Variants in JMJD1C observed in about 807,000 individuals in gnomAD.
JMJD1C encodes jumonji domain-containing protein 1C.
A neutral mutation model predicts 245.3 loss-of-function variants in JMJD1C; 31 were observed. That is an observed-to-expected ratio of 0.13 (90% CI 0.09 to 0.17). JMJD1C has a LOEUF of 0.17. Ranked by LOEUF, JMJD1C falls within the 10% of genes least tolerant of loss-of-function variation. The probability of loss-of-function intolerance (pLI) is 1.00; values close to 1 mark genes in which losing one functional copy is unlikely to be tolerated. For synonymous variants in JMJD1C, 1,057 were observed against 1,017.4 expected (o/e 1.04, Z -0.74); for missense variants, 2,691 against 3,000.2 (o/e 0.90, Z 2.41).
chr10:63,227,011 T>G (rs2133353743), intron 3 of JMJD1C, among the ~76,000 whole-genome samples: 1 of 152,272 alleles, frequency 6.6e-6, no homozygotes, highest in Non-Finnish European at 1.5e-5. Context: ...GAAGTTGCAG[T>G]GAGCCTAGAT....
intron 1 of JMJD1C, chr10:63,382,941 T>C (rs1947324551): frequency 2.2e-6 from 1 of 447,670 alleles, no homozygotes; most frequent in Non-Finnish European, 4.5e-6. Flanking sequence ...TTTTATAGCT[T>C]ACACTGTATT....
intron 22 of JMJD1C, among the ~76,000 whole-genome samples, chr10:63,180,935 A>T (rs1001018571): frequency 6.6e-6 from 1 of 151,880 alleles, no homozygotes. Flanking sequence ...CGCCCGGCTA[A>T]TTTTTTGTAT....
At chr10:63,306,859 T>C (rs1485093273) in intron 2 of JMJD1C, among the ~76,000 whole-genome samples, 1 of 152,166 alleles carries the variant, frequency 6.6e-6, no homozygotes, top group African/African-American at 2.4e-5. Context: ...AACAAAAATA[T>C]TTATAACATG....
chr10:63,331,017 A>T (rs1942082702), intron 2 of JMJD1C, among the ~76,000 whole-genome samples: 1 of 152,218 alleles, frequency 6.6e-6, no homozygotes, highest in Non-Finnish European at 1.5e-5. Flanking sequence ...ACTTGACTTC[A>T]TTATCTTCAA....
chr10:63,487,214 C>G (rs1294184703), intron 1 of JMJD1C, among the ~76,000 whole-genome samples: 1 of 152,126 alleles, frequency 6.6e-6, no homozygotes, highest in African/African-American at 2.4e-5. Context: ...AAAGGACTAC[C>G]AGGCAAAATT....
chr10:63,466,020 T>G, upstream of JMJD1C: 1 of 237,780 alleles, frequency 4.2e-6, no homozygotes, highest in Non-Finnish European at 8.2e-6. Context: ...GCAGCGCGTC[T>G]CCTTCCGCCG....
intron 1 of JMJD1C, among the ~76,000 whole-genome samples, chr10:63,462,569 AT>A (rs916332940): frequency 1.3e-5 from 2 of 152,220 alleles, no homozygotes; most frequent in African/African-American, 4.8e-5. Flanking sequence ...GATTATGTCA[AT>A]TGGCCCAAAG....
At chr10:63,410,084 C>T (rs956720600) in intron 1 of JMJD1C, among the ~76,000 whole-genome samples, 1 of 152,116 alleles carries the variant, frequency 6.6e-6, no homozygotes, top group Admixed American at 6.5e-5. Context: ...CTCACTGCCC[C>T]TTCCTAAATG....
chr10:63,202,322 G>A (rs1846112303), intron 10 of JMJD1C: 1 of 984,824 alleles, frequency 1.0e-6, no homozygotes, highest in South Asian at 4.7e-5. Flanking sequence ...ACTTGTAAGT[G>A]TCTTATTGCA....
intron 1 of JMJD1C, among the ~76,000 whole-genome samples, chr10:63,497,838 G>A (rs151000475): frequency 2.0e-3 from 311 of 152,274 alleles, no homozygotes; most frequent in African/African-American, 6.9e-3. Flanking sequence ...GCAAACTTTA[G>A]AGAAAACATC....
intron 9 of JMJD1C, 72 bp from the exon 10 acceptor site, chr10:63,208,873 T>A: frequency 8.1e-7 from 1 of 1,230,532 alleles, no homozygotes; most frequent in South Asian, 1.5e-5. Flanking sequence ...TTCTATGCAA[T>A]ATCATTCTAT....
At chr10:63,309,716 A>C (rs1029585198) in intron 2 of JMJD1C, among the ~76,000 whole-genome samples, 1 of 152,084 alleles carries the variant, frequency 6.6e-6, no homozygotes. Context: ...CTGGAGTTCG[A>C]GACCAGCCTG....
rs146066192 is a variant in JMJD1C at position 63,477,029 on chromosome 10, G to A, written n.113+44709C>T. Among the ~76,000 whole-genome samples, 39 of 152,214 alleles carry A rather than the reference G, an allele frequency of 2.6e-4. 2 individuals are homozygous for A. In the East Asian group the frequency reaches 7.1e-3, roughly 28 times the overall value. On this transcript the variant is annotated intron_variant and non_coding_transcript_variant, in intron 1 of 3. Coordinates refer to the JMJD1C transcript ENST00000633035. ...CATCAATTTACATGAAACAGAAATT[G>A]CTAAGAGACACAAACTGTAGACCTC...
intron 1 of JMJD1C, among the ~76,000 whole-genome samples, chr10:63,397,105 A>C (rs1948550828): frequency 6.6e-6 from 1 of 152,158 alleles, no homozygotes; most frequent in Non-Finnish European, 1.5e-5. Context: ...CCCTATTAAT[A>C]ATTGTTTTGA....
chr10:63,238,196 G>GAAAAAAA (rs1564660596), intron 3 of JMJD1C, among the ~76,000 whole-genome samples: 11 of 92,838 alleles, frequency 1.2e-4, no homozygotes, highest in Middle Eastern at 5.7e-3. Flanking sequence ...AAAAAAAAAA[G>GAAAAAAA]AAAAAAAGGA....
chr10:63,331,516 A>C (rs1417995702), intron 2 of JMJD1C, among the ~76,000 whole-genome samples: 2 of 152,200 alleles, frequency 1.3e-5, no homozygotes, highest in African/African-American at 4.8e-5. Context: ...AGGGAAGTCC[A>C]CAAATCCACT....
chr10:63,238,596 A>G (rs1206999344), intron 3 of JMJD1C, among the ~76,000 whole-genome samples: 1 of 152,224 alleles, frequency 6.6e-6, no homozygotes, highest in Non-Finnish European at 1.5e-5. Context: ...TGTAACCTCT[A>G]TAACAAATTG....
At chr10:63,187,521 T>C (rs903480675) in intron 18 of JMJD1C, among the ~76,000 whole-genome samples, 1 of 152,152 alleles carries the variant, frequency 6.6e-6, no homozygotes, top group Non-Finnish European at 1.5e-5. Context: ...CACCACAGCC[T>C]GGACTTACTG....
At chr10:63,262,208 A>G (rs1414422418) in intron 3 of JMJD1C, among the ~76,000 whole-genome samples, 2 of 152,214 alleles carry the variant, frequency 1.3e-5, no homozygotes, top group Non-Finnish European at 2.9e-5. Context: ...TAAGAAGCTA[A>G]GGAATTTAAT....
Sources: allele counts gnomAD v4.1 joint callset (sites outside exome capture counted in the v4.1 genomes callset), GRCh38; gene constraint gnomAD v4.1.1; transcripts MANE v1.5; gene names NCBI Gene and HGNC (gene_info 2026-07-23, HGNC 2026-07-21).